Variants in IL1RN observed in about 807,000 individuals in gnomAD.
IL1RN encodes interleukin-1 receptor antagonist protein.
Under a neutral mutation model 13.7 loss-of-function variants are expected in IL1RN, and 10 were observed. The observed-to-expected ratio is 0.73, with a 90% confidence interval of 0.45 to 1.24. IL1RN has a LOEUF of 1.24. Ranked by LOEUF, IL1RN falls within the 50% of genes most tolerant of loss-of-function variation. The probability of loss-of-function intolerance (pLI) is 0.00; values close to 1 mark genes in which losing one functional copy is unlikely to be tolerated. For synonymous variants in IL1RN, 102 were observed against 82.7 expected (o/e 1.23, Z -1.27); for missense variants, 213 against 222.1 (o/e 0.96, Z 0.26).
the IL1RN span, among the ~76,000 whole-genome samples, chr2:113,100,674 G>A: frequency 1.3e-5 from 2 of 152,156 alleles, no homozygotes; most frequent in Non-Finnish European, 2.9e-5. Flanking sequence ...AAGTGGTGCC[G>A]ACAAGAATCA....
chr2:113,111,479 A>G (rs1463239695), intron 1 of IL1RN, among the ~76,000 whole-genome samples: 1 of 152,260 alleles, frequency 6.6e-6, no homozygotes, highest in Non-Finnish European at 1.5e-5. Flanking sequence ...GATAGTTCAC[A>G]TAATGGCATG....
upstream of IL1RN, among the ~76,000 whole-genome samples, chr2:113,109,171 G>C (rs2104421828): frequency 6.6e-6 from 1 of 152,132 alleles, no homozygotes; most frequent in East Asian, 1.9e-4. Flanking sequence ...CCAGCACTTT[G>C]AGAGGCCAAG....
chr2:113,108,966 C>CA (rs1686428087), upstream of IL1RN, among the ~76,000 whole-genome samples: 1 of 151,450 alleles, frequency 6.6e-6, no homozygotes, highest in Non-Finnish European at 1.5e-5. Flanking sequence ...ATAGTCATGA[C>CA]AAAAATTTAA....
the IL1RN span, among the ~76,000 whole-genome samples, chr2:113,102,018 C>T: frequency 3.9e-5 from 6 of 152,166 alleles, no homozygotes; most frequent in Admixed American, 1.3e-4. Flanking sequence ...CTGCCCACCT[C>T]GGTCTCCCAA....
At chr2:113,121,487 A>G (rs1686781895) in intron 2 of IL1RN, 1 of 985,386 alleles carries the variant, frequency 1.0e-6, no homozygotes, top group African/African-American at 1.7e-5. Flanking sequence ...AGAAGGCAAG[A>G]GCAAGCATGT....
At chr2:113,115,235 C>T (rs183878570), upstream of IL1RN, among the ~76,000 whole-genome samples, 12 of 152,230 alleles carry the variant, frequency 7.9e-5, no homozygotes, top group East Asian at 1.7e-3. Context: ...TGCACCTCTC[C>T]CCTGGCTGGA....
rs1573302109 is a variant in IL1RN, at chr2:113,127,832, G to T, written c.116+92G>T. On this transcript the variant is annotated intron_variant, in intron 1 of 3. Transcript: ENST00000409930. ...GCCAGGGGCTGCCAGGCCCCAGAGG[G>T]CCTGAGAACTGGGTTTGGGCTGGAG... 3.5e-5 allele frequency: 46 copies of T among 1,312,634 alleles called. No homozygotes were observed. In the South Asian group the frequency reaches 5.4e-4, roughly 15 times the overall value. 81.3% of individuals were successfully genotyped at this position (1,312,634 alleles called of 1,614,324 possible).
chr2:113,121,501 G>T (rs972183650), intron 2 of IL1RN: 3 of 985,348 alleles, frequency 3.0e-6, no homozygotes, highest in Non-Finnish European at 3.6e-6. Flanking sequence ...AGCATGTACC[G>T]CTGAAAACAC....
chr2:113,123,611 A>G (rs1686856479), upstream of IL1RN, among the ~76,000 whole-genome samples: 1 of 152,200 alleles, frequency 6.6e-6, no homozygotes, highest in African/African-American at 2.4e-5. Flanking sequence ...ACAGATAACA[A>G]TCATCCAGAG....
chr2:113,101,686 T>C, the IL1RN span, among the ~76,000 whole-genome samples: 24 of 152,348 alleles, frequency 1.6e-4, no homozygotes, highest in Admixed American at 1.4e-3. Flanking sequence ...AGGACCAACA[T>C]GTAGAAACCA....
chr2:113,131,109 G>A lies in IL1RN; in HGVS notation c.270G>A (p.Met90Ile). 2 of 1,613,850 alleles carry A rather than the reference G, an allele frequency of 1.2e-6. No individual in the cohort carries two copies. The highest frequency in any genetic ancestry group is 1.7e-6 in the Non-Finnish European group (2 of 1,179,674). Residue 90 changes from methionine (M) to isoleucine (I), a missense_variant, in exon 3 of 4, where the codon ATG becomes ATA. Physicochemically the swap from Met to Ile is conservative, Grantham distance 10. Transcript: ENST00000409930. ...ALFLGIHGGK[M>I]CLSCVKSGDE... ...TCTTGGGAATCCATGGAGGGAAGAT[G>A]TGCCTGTCCTGTGTCAAGTCTGGTG...
intron 1 of IL1RN, among the ~76,000 whole-genome samples, chr2:113,118,308 G>A (rs1272875517): frequency 1.3e-5 from 2 of 152,220 alleles, no homozygotes; most frequent in Non-Finnish European, 2.9e-5. Context: ...AGTCCTTGGA[G>A]TGTGAGGGTC....
At chr2:113,110,892 G>A (rs1686484378), upstream of IL1RN, among the ~76,000 whole-genome samples, 1 of 152,120 alleles carries the variant, frequency 6.6e-6, no homozygotes. Flanking sequence ...TCGATGTGTT[G>A]GACATGGATC....
chr2:113,112,129 C>T (rs774922386), intron 1 of IL1RN, among the ~76,000 whole-genome samples: 46 of 152,226 alleles, frequency 3.0e-4, no homozygotes, highest in South Asian at 8.3e-4. Context: ...GGAATTCTGA[C>T]GCACTGCAAA....
chr2:113,109,685 G>A (rs866175366), upstream of IL1RN, among the ~76,000 whole-genome samples: 15 of 151,014 alleles, frequency 9.9e-5, no homozygotes, highest in Middle Eastern at 3.4e-3. Flanking sequence ...ACACTAACAG[G>A]AAGGGGGAAA....
chr2:113,099,971 T>G, the IL1RN span, among the ~76,000 whole-genome samples: 75 of 136,884 alleles, frequency 5.5e-4, no homozygotes, highest in African/African-American at 1.9e-3. Context: ...CCTGACCTCG[T>G]GATCCGCCCG....
the IL1RN span, among the ~76,000 whole-genome samples, chr2:113,100,469 C>T: frequency 6.6e-6 from 1 of 152,134 alleles, no homozygotes; most frequent in Admixed American, 6.5e-5. Context: ...GTCTGTCAGG[C>T]CAAGCACTGG....
At chr2:113,117,849 A>G, upstream of IL1RN, 1 of 707,304 alleles carries the variant, frequency 1.4e-6, no homozygotes, top group Admixed American at 2.1e-5. Flanking sequence ...GTGGGAGGGG[A>G]GGCTGGGCTC....
upstream of IL1RN, among the ~76,000 whole-genome samples, chr2:113,109,563 A>G (rs1010221439): frequency 6.6e-6 from 1 of 152,150 alleles, no homozygotes; most frequent in East Asian, 1.9e-4. Flanking sequence ...ACACAGTCCT[A>G]AAATATTAAA....
Sources: allele counts gnomAD v4.1 joint callset (sites outside exome capture counted in the v4.1 genomes callset), GRCh38; gene constraint gnomAD v4.1.1; transcripts MANE v1.5; gene names NCBI Gene and HGNC (gene_info 2026-07-23, HGNC 2026-07-21).